The following TTLL7 variants were observed in gnomAD, a reference collection of about 807,000 sequenced individuals.
The protein encoded by TTLL7 is tubulin tyrosine ligase like 7.
TTLL7 carries 53 observed loss-of-function variants against 120.2 expected under a neutral mutation model. That is an observed-to-expected ratio of 0.44 (90% confidence interval 0.35 to 0.55). The LOEUF (loss-of-function observed/expected upper bound fraction) is 0.55, where lower values mean the gene tolerates loss of function less well. Ranked by LOEUF, TTLL7 falls within the 20% of genes least tolerant of loss-of-function variation. TTLL7 has a pLI of 0.00. For missense variants in TTLL7, 803 were observed against 1,054.7 expected (o/e 0.76, Z 3.31); for synonymous variants, 353 against 351.7 (o/e 1.00, Z -0.04).
chr1:83,942,371 T>C (rs1648061849), intron 7 of TTLL7, 92 bp downstream of exon 7: 4 of 1,059,886 alleles, frequency 3.8e-6, no homozygotes, highest in Non-Finnish European at 5.5e-6. Flanking sequence ...AGGAGCAACT[T>C]TCATTCATAC....
At chr1:83,883,924 A>G (rs12070578) in intron 19 of TTLL7, among the ~76,000 whole-genome samples, 77,651 of 151,696 alleles carry the variant, frequency 0.51, 20,536 homozygotes, top group Non-Finnish European at 0.59. Flanking sequence ...AACAAGTACT[A>G]CCCTACTGCA....
chr1:83,881,226 C>A (rs1022044316), intron 20 of TTLL7, among the ~76,000 whole-genome samples: 3 of 151,510 alleles, frequency 2.0e-5, no homozygotes, highest in African/African-American at 7.3e-5. Context: ...GCAAAAAAAG[C>A]CAAAATTGAC....
chr1:83,942,502 C>A lies in TTLL7; in HGVS notation c.684G>T (p.Met228Ile). 1 of 1,613,966 alleles carries A rather than the reference C, an allele frequency of 6.2e-7. No homozygotes were observed. Among genetic ancestry groups the A allele is most frequent in the South Asian group, 1.1e-5 (1 of 91,066 alleles). ...TAGGTGGAATGTACTTCTCTGTACC[C>A]ATTCGCACAAGCCCATCATGGTAGA... ...IFLYHDGLVR[M>I]GTEKYIPPNE... Residue 228 changes from methionine (M) to isoleucine (I), a missense_variant, in exon 7 of 21, where the codon ATG becomes ATT. Around this residue, in one of 3 missense-constraint regions of TTLL7, gnomAD observed 324 missense variants for 507.7 expected, o/e 0.64. Transcript: ENST00000260505.
At chr1:83,963,631 A>G (rs1650202738) in intron 1 of TTLL7, among the ~76,000 whole-genome samples, 1 of 152,068 alleles carries the variant, frequency 6.6e-6, no homozygotes, top group Admixed American at 6.6e-5. Context: ...GTTTCCTTAC[A>G]TGTTTCCTCC....
chr1:83,891,929 G>C (rs982747439), intron 18 of TTLL7, among the ~76,000 whole-genome samples: 1 of 151,830 alleles, frequency 6.6e-6, no homozygotes, highest in African/African-American at 2.4e-5. Flanking sequence ...TTAGGATCAA[G>C]CTATCCTCCC....
rs1315734447 is a variant in TTLL7 at position 83,867,928 on chromosome 1, C to G, written c.*2034G>C. On this transcript the variant is annotated 3_prime_UTR_variant, in exon 21 of 21. Transcript: ENST00000260505. ...ATAAACAGTGTAGTCACTGTAATTT[C>G]CTTCATTCTGATACCCTTATTCTCT... 1 of 152,036 alleles carries G rather than the reference C, an allele frequency of 6.6e-6. No homozygotes were observed. Among genetic ancestry groups the G allele is most frequent in the African/African-American group, 2.4e-5 (1 of 41,412 alleles). The allele number at this position is 152,036 out of a possible 1,614,324, so 9.4% of individuals were successfully genotyped here.
At position 83,905,524 on chromosome 1, in the gene TTLL7, A is replaced by G. The variant is rs992259905; in HGVS notation, c.2127+805T>C. On this transcript the variant is annotated intron_variant, in intron 17 of 20. Coordinates refer to ENST00000260505, the MANE Select transcript of TTLL7 (RefSeq NM_024686.6). ...CTAGATGGTGCCCTCTCCTCTGGGAAAAAAAAACATATATTTTATATACAT... is the reference window on the plus strand; with the variant it reads ...CTAGATGGTGCCCTCTCCTCTGGGAGAAAAAAACATATATTTTATATACAT... 1.8e-4 allele frequency among the ~76,000 whole-genome samples: 16 copies of G among 88,274 alleles called. 1 individual carries two copies. The South Asian group carries it at 2.2e-3, about 12-fold the overall frequency. The allele number at this position is 88,274 out of a possible 152,430, so 57.9% of individuals were successfully genotyped here.
chr1:83,980,954 C>G (rs1409262548), intron 1 of TTLL7: 1 of 151,212 alleles, frequency 6.6e-6, no homozygotes, highest in African/African-American at 2.4e-5. Context: ...AAAGTAATAC[C>G]AGGGGAACCA....
chr1:83,990,255 A>C (rs562879473), intron 1 of TTLL7, among the ~76,000 whole-genome samples: 2 of 146,416 alleles, frequency 1.4e-5, no homozygotes, highest in South Asian at 4.3e-4. Context: ...GGCTCACTGC[A>C]AGCTCCGCTT....
At chr1:83,881,660 C>T (rs1424316450) in intron 20 of TTLL7, among the ~76,000 whole-genome samples, 1 of 151,112 alleles carries the variant, frequency 6.6e-6, no homozygotes, top group Non-Finnish European at 1.5e-5. Flanking sequence ...CTAGTTCAAC[C>T]ATTGTGGAAG....
intron 10 of TTLL7, 117 bp from the exon 11 acceptor site, chr1:83,921,511 A>G: frequency 1.8e-6 from 2 of 1,081,606 alleles, no homozygotes; most frequent in Non-Finnish European, 2.6e-6. Context: ...TGTTTATTAA[A>G]CTTATATATT....
intron 1 of TTLL7, among the ~76,000 whole-genome samples, chr1:83,973,548 T>G (rs967516707): frequency 7.9e-5 from 12 of 152,030 alleles, no homozygotes; most frequent in African/African-American, 2.9e-4. Context: ...TGTTGGCTCT[T>G]CTGGGTCTCT....
At position 83,921,376 on chromosome 1, in the gene TTLL7, T is replaced by C; in HGVS notation, c.1161A>G (p.Arg387=). 1 of 1,611,330 alleles carries C rather than the reference T, an allele frequency of 6.2e-7. No homozygotes were observed. The highest frequency in any genetic ancestry group is 8.5e-7 in the Non-Finnish European group (1 of 1,179,604). ...LLNIRTSDKR[R]NLAKQKAEAQ... is the part of the protein sequence containing the mutation. ...CCTCAGCTTTTTGTTTGGCCAAGTT[T>C]CTTCTTTTGTCACTGGTCCTAAAAT... Residue 387 remains arginine, a synonymous_variant, in exon 11 of 21, where the codon AGA becomes AGG. Transcript: ENST00000260505.
chr1:83,956,427 CTT>C (rs35592317), intron 1 of TTLL7, among the ~76,000 whole-genome samples: 9 of 136,014 alleles, frequency 6.6e-5, no homozygotes, highest in Admixed American at 1.5e-4. Flanking sequence ...ACCTAGCCCA[CTT>C]TTTTTTTTTT....
chr1:83,974,682 T>C (rs1362333790), intron 1 of TTLL7, among the ~76,000 whole-genome samples: 2 of 152,004 alleles, frequency 1.3e-5, no homozygotes, highest in African/African-American at 4.8e-5. Flanking sequence ...AGAAAACATA[T>C]TAGACATGAT....
At chr1:83,872,590 T>TCTAC (rs1243662541) in intron 20 of TTLL7, among the ~76,000 whole-genome samples, 1 of 152,218 alleles carries the variant, frequency 6.6e-6, no homozygotes, top group African/African-American at 2.4e-5. Context: ...AACAGTAACG[T>TCTAC]CTACCAACTT....
At chr1:83,978,278 A>G (rs1195527893) in intron 1 of TTLL7, among the ~76,000 whole-genome samples, 1 of 152,168 alleles carries the variant, frequency 6.6e-6, no homozygotes, top group African/African-American at 2.4e-5. Flanking sequence ...GAATATATGA[A>G]CTGATGAAGC....
intron 1 of TTLL7, among the ~76,000 whole-genome samples, chr1:83,989,291 G>T (rs967964529): frequency 2.0e-5 from 3 of 152,038 alleles, no homozygotes; most frequent in African/African-American, 7.2e-5. Flanking sequence ...TTTCTTATAG[G>T]ATTTTTATAG....
rs371554068 is a variant in TTLL7 at position 83,948,540 on chromosome 1, T to C, written c.347+88A>G. 1.0e-3 allele frequency: 922 copies of C among 889,024 alleles called. 13 individuals are homozygous for C. The South Asian group carries it at 0.015, about 14-fold the overall frequency. 55.1% of individuals were successfully genotyped at this position (889,024 alleles called of 1,614,324 possible). A position where few individuals can be genotyped will look rare whatever the true frequency, so the allele number is the denominator to read the frequency against. On this transcript the variant is annotated intron_variant, in intron 5 of 20. Transcript: ENST00000260505. Reference sequence around the variant, plus strand: ...ACTCTCATCTAAATATCATTTCAAATCAATGTAACCTTGTGAAAGATAGCA... The same window carrying C: ...ACTCTCATCTAAATATCATTTCAAACCAATGTAACCTTGTGAAAGATAGCA...
Sources: gnomAD v4.1 joint callset for allele counts (sites outside exome capture counted in the v4.1 genomes callset) on GRCh38, gnomAD v4.1.1 for gene constraint, gnomAD v4.1.1 regional missense constraint, MANE v1.5 for transcripts, NCBI Gene and HGNC (gene_info 2026-07-23, HGNC 2026-07-21) for gene names.